Variants in CMSS1 observed in about 807,000 individuals in gnomAD.
The protein encoded by CMSS1 is protein CMSS1.
Under a neutral mutation model 43.5 loss-of-function variants are expected in CMSS1, and 33 were observed. That is an observed-to-expected ratio of 0.76 (90% CI 0.57 to 1.01). CMSS1 has a LOEUF of 1.01. Ranked by LOEUF, CMSS1 falls within the 50% of genes least tolerant of loss-of-function variation. The pLI is 0.00. For synonymous variants in CMSS1, 115 were observed against 117.2 expected (o/e 0.98, Z 0.12); for missense variants, 313 against 326.4 (o/e 0.96, Z 0.32).
chr3:100,121,220 C>A (rs772739411), intron 1 of CMSS1, among the ~76,000 whole-genome samples: 1 of 152,036 alleles, frequency 6.6e-6, no homozygotes, highest in Non-Finnish European at 1.5e-5. Context: ...TTAGGTATTT[C>A]TCCTAATATT....
At chr3:99,848,430 G>A (rs1176478864) in intron 1 of CMSS1, 1 of 1,614,176 alleles carries the variant, frequency 6.2e-7, no homozygotes, top group Admixed American at 1.7e-5. Context: ...GTGCTGAAGG[G>A]CTGGCAGGTC....
intron 1 of CMSS1, among the ~76,000 whole-genome samples, chr3:99,843,123 C>T (rs1943207491): frequency 3.3e-5 from 5 of 152,226 alleles, no homozygotes; most frequent in Admixed American, 3.3e-4. Context: ...CTTGTATTTG[C>T]TTCACTGTGC....
intron 1 of CMSS1, among the ~76,000 whole-genome samples, chr3:100,104,655 T>C (rs1158145166): frequency 6.6e-6 from 1 of 152,162 alleles, no homozygotes; most frequent in African/African-American, 2.4e-5. Context: ...GAGGGCCTTT[T>C]CCTGTTTTGC....
At chr3:100,142,068 C>G (rs991771287) in intron 1 of CMSS1, among the ~76,000 whole-genome samples, 1 of 152,044 alleles carries the variant, frequency 6.6e-6, no homozygotes, top group Non-Finnish European at 1.5e-5. Context: ...CTAAATTATC[C>G]AATTTACAGT....
At chr3:100,152,271 G>A (rs1167036340) in intron 2 of CMSS1, among the ~76,000 whole-genome samples, 2 of 150,346 alleles carry the variant, frequency 1.3e-5, no homozygotes, top group Admixed American at 1.3e-4. Context: ...CCTGCTTCTT[G>A]ACAGAATTCT....
intron 1 of CMSS1, among the ~76,000 whole-genome samples, chr3:99,968,872 G>T (rs1708731354): frequency 6.6e-6 from 1 of 152,114 alleles, no homozygotes; most frequent in Non-Finnish European, 1.5e-5. Flanking sequence ...AGAAAGTTGA[G>T]AAGGGTTAGC....
Position 99,952,803 on chromosome 3 carries a change from G to A in CMSS1, c.64+134760G>A, listed in dbSNP as rs139983964. On this transcript the variant is annotated intron_variant, in intron 1 of 9. Transcript: ENST00000421999. ...TTCCTAAGAAGAAACACAAGAAAAC[G>A]TGTCTTACAGATTTTATTTGAATTA... 4.2e-3 allele frequency among the ~76,000 whole-genome samples: 635 copies of A among 152,138 alleles called. 4 individuals carry two copies. Among genetic ancestry groups the A allele is most frequent in the African/African-American group, 0.015 (604 of 41,506 alleles).
intron 1 of CMSS1, among the ~76,000 whole-genome samples, chr3:99,951,160 A>G (rs1053815139): frequency 6.6e-6 from 1 of 152,134 alleles, no homozygotes; most frequent in African/African-American, 2.4e-5. Context: ...CTCTTCCCTC[A>G]GCTGTTCACT....
At chr3:100,098,619 T>TAGGGGGTGG (rs2066253598) in intron 1 of CMSS1, among the ~76,000 whole-genome samples, 1 of 152,242 alleles carries the variant, frequency 6.6e-6, no homozygotes, top group Non-Finnish European at 1.5e-5. Context: ...GTTATTTTTG[T>TAGGGGGTGG]GCATATATTT....
intron 1 of CMSS1, among the ~76,000 whole-genome samples, chr3:99,920,759 C>G (rs756412578): frequency 6.6e-6 from 1 of 152,196 alleles, no homozygotes; most frequent in African/African-American, 2.4e-5. Context: ...TGACATCAGT[C>G]TCCTTTAGGG....
intron 1 of CMSS1, among the ~76,000 whole-genome samples, chr3:99,953,295 A>T (rs1198643847): frequency 1.3e-5 from 2 of 152,072 alleles, no homozygotes; most frequent in African/African-American, 4.8e-5. Context: ...CTTCTACCCT[A>T]TGTCTAGTTT....
intron 1 of CMSS1, chr3:99,850,312 G>A (rs778446309): frequency 6.8e-6 from 11 of 1,613,430 alleles, no homozygotes; most frequent in Non-Finnish European, 9.3e-6. Context: ...CAACTGCTTT[G>A]TGGTCATCCT....
chr3:100,126,079 TC>T (rs967297401), intron 1 of CMSS1, among the ~76,000 whole-genome samples: 1 of 152,196 alleles, frequency 6.6e-6, no homozygotes, highest in Non-Finnish European at 1.5e-5. Flanking sequence ...CTTTGTCTCT[TC>T]CCCTGTAGTA....
chr3:99,827,666 G>A (rs558727019), intron 1 of CMSS1, among the ~76,000 whole-genome samples: 74 of 152,074 alleles, frequency 4.9e-4, no homozygotes, highest in African/African-American at 1.5e-3. Flanking sequence ...GTGCAATGGC[G>A]CAATCTCGGC....
At chr3:100,042,145 A>G (rs976147701) in intron 1 of CMSS1, among the ~76,000 whole-genome samples, 1 of 152,340 alleles carries the variant, frequency 6.6e-6, no homozygotes, top group South Asian at 2.1e-4. Flanking sequence ...TCATTATTAC[A>G]TATTAAAGGA....
chr3:100,044,063 A>G (rs1278328341), intron 1 of CMSS1, among the ~76,000 whole-genome samples: 1 of 152,202 alleles, frequency 6.6e-6, no homozygotes. Flanking sequence ...TGTATATACC[A>G]TATTTCTATG....
chr3:100,106,734 A>T (rs1176344528), intron 1 of CMSS1, among the ~76,000 whole-genome samples: 1 of 152,164 alleles, frequency 6.6e-6, no homozygotes, highest in African/African-American at 2.4e-5. Flanking sequence ...TAGATGAGTT[A>T]TACCCCATCT....
intron 1 of CMSS1, among the ~76,000 whole-genome samples, chr3:99,905,502 C>T (rs748100786): frequency 1.3e-5 from 2 of 152,214 alleles, no homozygotes; most frequent in Admixed American, 1.3e-4. Flanking sequence ...CTCCATTTTA[C>T]ATCTTATAGC....
intron 1 of CMSS1, among the ~76,000 whole-genome samples, chr3:100,032,337 T>C (rs1373953326): frequency 3.3e-5 from 5 of 152,210 alleles, no homozygotes. Context: ...TCTTAAGATT[T>C]ATGAAATGCA....
Sources: gnomAD v4.1 joint callset for allele counts (sites outside exome capture counted in the v4.1 genomes callset) on GRCh38, gnomAD v4.1.1 for gene constraint, MANE v1.5 for transcripts, NCBI Gene and HGNC (gene_info 2026-07-23, HGNC 2026-07-21) for gene names.